Variants in OLFM2 observed in about 807,000 individuals in gnomAD.
The protein encoded by OLFM2 is noelin-2.
OLFM2 carries 20 observed loss-of-function variants against 43.9 expected under a neutral mutation model. That is an observed-to-expected ratio of 0.46 (90% CI 0.32 to 0.66). The LOEUF (loss-of-function observed/expected upper bound fraction) is 0.66. Ranked by LOEUF, OLFM2 falls within the 30% of genes least tolerant of loss-of-function variation. The probability of loss-of-function intolerance (pLI) is 0.04; values close to 1 mark genes in which losing one functional copy is unlikely to be tolerated. For missense variants in OLFM2, 416 were observed against 643.6 expected, an observed-to-expected ratio of 0.65 and a Z score of 3.83; for synonymous variants, 268 against 278.6, an observed-to-expected ratio of 0.96 and a Z score of 0.38.
intron 1 of OLFM2, among the ~76,000 whole-genome samples, chr19:9,887,230 G>A (rs1390052272): frequency 6.6e-6 from 1 of 151,628 alleles, no homozygotes; most frequent in African/African-American, 2.4e-5. Context: ...CCAGGCTGGA[G>A]TGCAGTGGTG....
At position 9,857,023 on chromosome 19, in the gene OLFM2, G is replaced by C; in HGVS notation, c.581-110C>G. Reference sequence around the variant, plus strand: ...TTGGGAAAGCTGGGACCAGGGATGAGGGAAGACTCAAAAATCTGGTCCCAA... The same window carrying C: ...TTGGGAAAGCTGGGACCAGGGATGACGGAAGACTCAAAAATCTGGTCCCAA... On this transcript the variant is annotated intron_variant, in intron 4 of 5. Transcript: ENST00000264833. The surrounding 1 kb of genome is among the most constrained non-coding windows in gnomAD (Gnocchi z 5.7). 1 of 993,434 alleles carries C rather than the reference G, an allele frequency of 1.0e-6. No homozygotes were observed. Among genetic ancestry groups the C allele is most frequent in the Non-Finnish European group, 1.5e-6 (1 of 648,536 alleles). The allele number at this position is 993,434 out of a possible 1,614,324, so 61.5% of individuals were successfully genotyped here.
At chr19:9,900,083 C>T (rs573117883) in intron 1 of OLFM2, among the ~76,000 whole-genome samples, 2 of 152,214 alleles carry the variant, frequency 1.3e-5, no homozygotes, top group African/African-American at 2.4e-5. Flanking sequence ...GGAGCCCCAG[C>T]TATTGGGTTT....
chr19:9,923,198 G>C (rs113249046), intron 1 of OLFM2, among the ~76,000 whole-genome samples: 3,169 of 152,146 alleles, frequency 0.021, 116 homozygotes, highest in African/African-American at 0.073. Flanking sequence ...ATCAATACTC[G>C]CTGGGGCATT....
intron 1 of OLFM2, among the ~76,000 whole-genome samples, chr19:9,894,376 CAATAATAATAATAATAAT>C (rs528905230): frequency 1.7e-5 from 2 of 118,288 alleles, no homozygotes; most frequent in South Asian, 5.6e-4. Flanking sequence ...GACTCTCTCT[CAATAATAATAATAATAAT>C]AATAATAATA....
At chr19:9,904,155 TG>T (rs2046764336) in intron 1 of OLFM2, among the ~76,000 whole-genome samples, 40 of 32,026 alleles carry the variant, frequency 1.2e-3, no homozygotes, top group South Asian at 2.9e-3. Flanking sequence ...GTATTGTTTG[TG>T]TGTGTGTGTG....
chr19:9,911,548 G>A (rs1245434795), intron 1 of OLFM2, among the ~76,000 whole-genome samples: 1 of 151,934 alleles, frequency 6.6e-6, no homozygotes, highest in Non-Finnish European at 1.5e-5. Context: ...TGCACACAAG[G>A]CAGGCACACA....
At chr19:9,931,829 A>AAATAATAG (rs2086484676) in intron 1 of OLFM2, among the ~76,000 whole-genome samples, 1 of 152,160 alleles carries the variant, frequency 6.6e-6, no homozygotes, top group Admixed American at 6.6e-5. Flanking sequence ...TTGGTCTCCC[A>AAATAATAG]AAATGCTGGG....
At chr19:9,862,100 A>T (rs1286858400) in intron 1 of OLFM2, among the ~76,000 whole-genome samples, 1 of 152,066 alleles carries the variant, frequency 6.6e-6, no homozygotes, top group Non-Finnish European at 1.5e-5. Flanking sequence ...GATAGGATCA[A>T]GGAAGAGAAG....
intron 1 of OLFM2, among the ~76,000 whole-genome samples, chr19:9,881,682 G>GT (rs2046541045): frequency 5.1e-5 from 1 of 19,542 alleles, no homozygotes; most frequent in Non-Finnish European, 2.2e-3. Context: ...TTTTTTTACA[G>GT]TTGGGGGGTC....
At chr19:9,889,625 G>T (rs2046620321) in intron 1 of OLFM2, among the ~76,000 whole-genome samples, 1 of 152,168 alleles carries the variant, frequency 6.6e-6, no homozygotes, top group African/African-American at 2.4e-5. Context: ...ATGCATTCAG[G>T]CTCACTTTGC....
chr19:9,856,803 T>G lies in OLFM2; in HGVS notation c.687+4A>C. The G allele has an allele frequency of 6.2e-7, 1 of 1,611,690 alleles. No homozygotes were observed. Among genetic ancestry groups the G allele is most frequent in the Non-Finnish European group, 8.5e-7 (1 of 1,178,756 alleles). ...TGACCCCAGGGGTGGGCGCAGTCAC[T>G]CACCCGGCTATCCGCACTGGGGGCC... is the stretch of plus-strand genomic sequence containing the variant. On this transcript the variant is annotated splice_donor_region_variant and intron_variant, in intron 5 of 5. Transcript: ENST00000264833. The surrounding 1 kb of genome is among the most constrained non-coding windows in gnomAD (Gnocchi z 4.0).
At chr19:9,898,504 A>G (rs2046705546) in intron 1 of OLFM2, among the ~76,000 whole-genome samples, 1 of 149,314 alleles carries the variant, frequency 6.7e-6, no homozygotes, top group African/African-American at 2.6e-5. Flanking sequence ...CCTGAGCAAC[A>G]ATGAGACTCC....
At chr19:9,923,683 A>G (rs2086434861) in intron 1 of OLFM2, among the ~76,000 whole-genome samples, 1 of 150,404 alleles carries the variant, frequency 6.6e-6, no homozygotes, top group African/African-American at 2.4e-5. Flanking sequence ...AGAAAAGAAA[A>G]GAAAGAAAAA....
At chr19:9,893,447 G>A (rs2046654996) in intron 1 of OLFM2, among the ~76,000 whole-genome samples, 1 of 152,204 alleles carries the variant, frequency 6.6e-6, no homozygotes, top group South Asian at 2.1e-4. Context: ...TTACAGGCGT[G>A]AGCCACCGCA....
At chr19:9,914,407 C>T (rs2046858704) in intron 1 of OLFM2, among the ~76,000 whole-genome samples, 1 of 152,134 alleles carries the variant, frequency 6.6e-6, no homozygotes, top group Non-Finnish European at 1.5e-5. Flanking sequence ...TCTAAGGATC[C>T]TTCGGTCATT....
At chr19:9,906,700 C>A (rs534250804) in intron 1 of OLFM2, among the ~76,000 whole-genome samples, 4 of 152,208 alleles carry the variant, frequency 2.6e-5, no homozygotes, top group Non-Finnish European at 5.9e-5. Flanking sequence ...ACTGGGAGGA[C>A]CAGAGTGGGG....
intron 1 of OLFM2, among the ~76,000 whole-genome samples, chr19:9,932,383 AG>A (rs2145013770): frequency 6.6e-6 from 1 of 150,968 alleles, no homozygotes; most frequent in Admixed American, 6.6e-5. Context: ...TGAACCGGTG[AG>A]GCAAAGCTTG....
At chr19:9,866,201 C>T (rs1349944542) in intron 1 of OLFM2, among the ~76,000 whole-genome samples, 1 of 152,184 alleles carries the variant, frequency 6.6e-6, no homozygotes, top group African/African-American at 2.4e-5. Flanking sequence ...GGCAGAGGTC[C>T]TGAGTTTTGC....
chr19:9,933,552 C>CTTTT (rs34411076), intron 1 of OLFM2, among the ~76,000 whole-genome samples: 1 of 78,998 alleles, frequency 1.3e-5, no homozygotes, highest in African/African-American at 5.9e-5. Context: ...TCACTCTAAT[C>CTTTT]TTTTTTTTTT....
Sources: gnomAD v4.1 joint callset for allele counts (sites outside exome capture counted in the v4.1 genomes callset) on GRCh38, gnomAD v4.1.1 for gene constraint, Gnocchi (gnomAD v3.1) non-coding constraint, MANE v1.5 for transcripts, NCBI Gene and HGNC (gene_info 2026-07-23, HGNC 2026-07-21) for gene names.